SNTG1: variants seen among roughly 807,000 people sequenced by gnomAD.
The protein encoded by SNTG1 is gamma-1-syntrophin.
Under a neutral mutation model 74.7 loss-of-function variants are expected in SNTG1, and 39 were observed. The observed-to-expected ratio is 0.52, with a 90% confidence interval of 0.40 to 0.68. The LOEUF is 0.68. Ranked by LOEUF, SNTG1 falls within the 30% of genes least tolerant of loss-of-function variation. The pLI, the probability that SNTG1 is intolerant of heterozygous loss-of-function variation, is 0.00. For synonymous variants in SNTG1, 254 were observed against 217.1 expected, an observed-to-expected ratio of 1.17 and a Z score of -1.49; for missense variants, 685 against 609.5, an observed-to-expected ratio of 1.12 and a Z score of -1.30.
At chr8:50,082,215 A>G (rs1313299244) in intron 1 of SNTG1, among the ~76,000 whole-genome samples, 1 of 152,140 alleles carries the variant, frequency 6.6e-6, no homozygotes, top group East Asian at 1.9e-4. Context: ...ATTTGAATAT[A>G]TTTATAATAG....
In SNTG1 at chr8:50,446,932, TAA is replaced by T. The variant is rs921600541; in HGVS notation, c.220-2734_220-2733del. Among the ~76,000 whole-genome samples the T allele has an allele frequency of 7.2e-5, 11 of 152,174 alleles. 1 individual carries two copies. The highest frequency in any genetic ancestry group is 1.6e-4 in the Non-Finnish European group (11 of 68,028). On this transcript the variant is annotated intron_variant, in intron 5 of 18. Transcript: ENST00000642720. ...TTTGCTTACATATGCAAATTCATGATAAAGTTTAATTTATAAATTAGCATAGT... is the reference window on the plus strand; with the variant it reads ...TTTGCTTACATATGCAAATTCATGATAGTTTAATTTATAAATTAGCATAGT...
intron 1 of SNTG1, among the ~76,000 whole-genome samples, chr8:50,059,076 A>G (rs373365600): frequency 6.6e-6 from 1 of 152,268 alleles, no homozygotes; most frequent in African/African-American, 2.4e-5. Flanking sequence ...TCATATCAAC[A>G]GTTCATTCAT....
intron 13 of SNTG1, among the ~76,000 whole-genome samples, chr8:50,631,152 AT>A (rs2094994651): frequency 6.6e-6 from 1 of 152,228 alleles, no homozygotes; most frequent in African/African-American, 2.4e-5. Context: ...TGTAATTCTT[AT>A]GGTATGTAAA....
At chr8:50,504,180 C>CT (rs1034915507) in intron 9 of SNTG1, among the ~76,000 whole-genome samples, 2 of 152,062 alleles carry the variant, frequency 1.3e-5, no homozygotes, top group African/African-American at 4.8e-5. Context: ...TGATCTCGTT[C>CT]TTTTTTATGG....
chr8:50,458,270 CAGAT>C lies in SNTG1; in HGVS notation c.363+7546_363+7549del, dbSNP rs1408430033. 2.7e-5 allele frequency: 4 copies of C among 150,166 alleles called. No individual in the cohort carries two copies. In the East Asian group the frequency reaches 7.8e-4, roughly 29 times the overall value. The allele number at this position is 150,166 out of a possible 1,614,324, so 9.3% of individuals were successfully genotyped here. On this transcript the variant is annotated intron_variant, in intron 8 of 18. Coordinates refer to ENST00000642720, the MANE Select transcript of SNTG1 (RefSeq NM_018967.5). ...AAAGGATTTTATATTGTAATATTTTCAGATAGATGGTGAAAATTAATTTGTAAAT... is the reference window on the plus strand; with the variant it reads ...AAAGGATTTTATATTGTAATATTTTCAGATGGTGAAAATTAATTTGTAAAT...
intron 8 of SNTG1, among the ~76,000 whole-genome samples, chr8:50,476,939 G>A (rs118041664): frequency 0.054 from 8,211 of 151,514 alleles, 335 homozygotes; most frequent in South Asian, 0.18. Flanking sequence ...AGGAGCAAAG[G>A]AGCCAACTGA....
At chr8:50,552,429 A>G (rs2094432585) in intron 11 of SNTG1, among the ~76,000 whole-genome samples, 1 of 152,318 alleles carries the variant, frequency 6.6e-6, no homozygotes, top group African/African-American at 2.4e-5. Context: ...TTTAAGAAAA[A>G]GTTTAATGTT....
intron 1 of SNTG1, among the ~76,000 whole-genome samples, chr8:50,137,515 GAC>G (rs562449330): frequency 2.6e-4 from 40 of 152,182 alleles, no homozygotes; most frequent in Non-Finnish European, 5.4e-4. Context: ...AGTGGAGGAG[GAC>G]AGTCACTCAT....
intron 12 of SNTG1, chr8:50,568,805 G>A (rs886108605): frequency 2.0e-5 from 3 of 152,220 alleles, no homozygotes; most frequent in South Asian, 2.1e-4. Flanking sequence ...CTGTGAGGAA[G>A]CCTTTTAGTT....
rs549566799 is a variant in SNTG1, at chr8:50,025,369, A to G, written c.-103+113138A>G. ...CCTCTACCAATTTTAACATGCATTC[A>G]ATTGTGTCTGCCAAATTATTAATTA... On this transcript the variant is annotated intron_variant, in intron 1 of 18. Transcript: ENST00000642720. Among the ~76,000 whole-genome samples, 35 of 152,298 alleles carry G rather than the reference A, an allele frequency of 2.3e-4. No individual in the cohort carries two copies. The South Asian group carries it at 7.0e-3, about 31-fold the overall frequency.
intron 11 of SNTG1, among the ~76,000 whole-genome samples, chr8:50,549,776 C>G (rs888998284): frequency 6.6e-5 from 10 of 152,102 alleles, no homozygotes; most frequent in South Asian, 2.1e-4. Flanking sequence ...TTAATTATCT[C>G]CTCTCTAAAA....
At chr8:50,586,961 C>T (rs969557864) in intron 12 of SNTG1, among the ~76,000 whole-genome samples, 1 of 151,802 alleles carries the variant, frequency 6.6e-6, no homozygotes, top group Non-Finnish European at 1.5e-5. Context: ...GTAATAACCC[C>T]TAAATAAAAA....
chr8:50,784,443 A>G (rs867646048), intron 18 of SNTG1, among the ~76,000 whole-genome samples: 1 of 152,228 alleles, frequency 6.6e-6, no homozygotes, highest in Non-Finnish European at 1.5e-5. Context: ...TCAAGATACT[A>G]AAAAGGGCAT....
intron 2 of SNTG1, among the ~76,000 whole-genome samples, chr8:50,348,428 A>T (rs2091548750): frequency 6.6e-6 from 1 of 152,260 alleles, no homozygotes. Context: ...AATGTATGTT[A>T]TATGTCTCTC....
chr8:50,715,362 A>T (rs2095472518), intron 17 of SNTG1, among the ~76,000 whole-genome samples: 1 of 152,164 alleles, frequency 6.6e-6, no homozygotes, highest in Non-Finnish European at 1.5e-5. Flanking sequence ...TTATAGTCTG[A>T]TTGCTTTTAT....
At chr8:50,656,407 G>A (rs1196752040) in intron 13 of SNTG1, among the ~76,000 whole-genome samples, 1 of 152,060 alleles carries the variant, frequency 6.6e-6, no homozygotes, top group Non-Finnish European at 1.5e-5. Flanking sequence ...ATTAAAAGGA[G>A]GGCATTTATC....
chr8:50,465,159 C>T (rs2093599017), intron 8 of SNTG1, among the ~76,000 whole-genome samples: 1 of 152,162 alleles, frequency 6.6e-6, no homozygotes, highest in Non-Finnish European at 1.5e-5. Context: ...AACCCTTTAT[C>T]ACATGAAACA....
intron 2 of SNTG1, among the ~76,000 whole-genome samples, chr8:50,266,849 A>G (rs2087508506): frequency 6.6e-6 from 1 of 151,906 alleles, no homozygotes; most frequent in South Asian, 2.1e-4. Flanking sequence ...TGGAAACTCC[A>G]CTTTAAGCAT....
intron 9 of SNTG1, among the ~76,000 whole-genome samples, chr8:50,515,482 A>G (rs2094125204): frequency 6.8e-6 from 1 of 147,418 alleles, no homozygotes; most frequent in Non-Finnish European, 1.5e-5. Context: ...AGGGGGCTGA[A>G]GCCAAGGAGC....
Sources: gnomAD v4.1 joint callset for allele counts (sites outside exome capture counted in the v4.1 genomes callset) on GRCh38, gnomAD v4.1.1 for gene constraint, MANE v1.5 for transcripts, NCBI Gene and HGNC (gene_info 2026-07-23, HGNC 2026-07-21) for gene names.